Variants in XIRP2 observed in about 807,000 individuals in gnomAD.
The protein encoded by XIRP2 is xin actin binding repeat containing 2.
In XIRP2, 236 loss-of-function variants were observed where a neutral mutation model predicts 277.0. The ratio of observed to expected loss-of-function variants is 0.85; its 90% CI spans 0.77 to 0.95. The LOEUF (loss-of-function observed/expected upper bound fraction) is 0.95, where lower values mean the gene tolerates loss of function less well. Ranked by LOEUF, XIRP2 falls within the 40% of genes least tolerant of loss-of-function variation. The pLI is 0.00. For missense variants in XIRP2, 4,640 were observed against 4,157.5 expected (o/e 1.12, Z -3.19); for synonymous variants, 1,490 against 1,416.5 (o/e 1.05, Z -1.17).
Position 167,258,136 on chromosome 2 carries a change from G to A in XIRP2, c.*319G>A, listed in dbSNP as rs267598990. On this transcript the variant is annotated 3_prime_UTR_variant, in exon 11 of 11. Coordinates refer to ENST00000409195, the MANE Select transcript of XIRP2 (RefSeq NM_152381.6). ...AAAGGAATGATTTGAGAAAATTAGG[G>A]GAAAGGGGAAAATTAAAAGTCATTT... 1 of 1,613,102 alleles carries A rather than the reference G, an allele frequency of 6.2e-7. No homozygotes were observed.
intron 3 of XIRP2, among the ~76,000 whole-genome samples, chr2:167,199,784 T>A (rs1050327136): frequency 6.6e-6 from 1 of 152,166 alleles, no homozygotes; most frequent in African/African-American, 2.4e-5. Flanking sequence ...AGAAAGAAGA[T>A]GACATTCTCG....
chr2:167,015,788 T>A (rs1436739068), intron 2 of XIRP2, among the ~76,000 whole-genome samples: 2 of 151,774 alleles, frequency 1.3e-5, no homozygotes, highest in African/African-American at 4.8e-5. Flanking sequence ...TAAGTAGAGA[T>A]GTTGGTATAA....
chr2:166,913,317 C>CCT (rs1553469499), intron 2 of XIRP2, among the ~76,000 whole-genome samples: 1 of 132,140 alleles, frequency 7.6e-6, no homozygotes, highest in Non-Finnish European at 1.7e-5. Context: ...GGCACCCCCC[C>CCT]CCCCCAGCCT....
chr2:166,978,721 G>A (rs1574131953), intron 2 of XIRP2, among the ~76,000 whole-genome samples: 1 of 152,120 alleles, frequency 6.6e-6, no homozygotes, highest in East Asian at 1.9e-4. Flanking sequence ...GGTGGCTCAC[G>A]CCTGTAATCC....
intron 2 of XIRP2, among the ~76,000 whole-genome samples, chr2:167,049,185 C>CT (rs559489461): frequency 2.1e-3 from 293 of 142,912 alleles, no homozygotes; most frequent in South Asian, 0.011. Flanking sequence ...TTCAAAAAGC[C>CT]TTTTTTTTTT....
chr2:166,925,253 G>A (rs1685150087), intron 2 of XIRP2, among the ~76,000 whole-genome samples: 1 of 151,860 alleles, frequency 6.6e-6, no homozygotes, highest in South Asian at 2.1e-4. Flanking sequence ...AGTTTTCATT[G>A]AGCCATTTAA....
rs6732530 is a variant in XIRP2, at chr2:167,087,230, G to A, written c.409-48679G>A. ...TGAGGTGTCAGTGTACCCCTGCTGG[G>A]GGATGCCTCCCAGTTAGGCTGCTCG... On this transcript the variant is annotated intron_variant, in intron 2 of 10. Transcript: ENST00000409195. Among the ~76,000 whole-genome samples the A allele has an allele frequency of 2.4e-3, 369 of 152,308 alleles. 4 individuals carry two copies. Among genetic ancestry groups the A allele is most frequent in the African/African-American group, 8.4e-3 (350 of 41,574 alleles).
rs116692758 is a variant in XIRP2, at chr2:167,041,966, A to G, written c.409-93943A>G. On this transcript the variant is annotated intron_variant, in intron 2 of 10. Transcript: ENST00000409195. The stretch of plus-strand genomic sequence containing the variant: ...AAGGGGCATGTCACATATAAAGGGA[A>G]CCCTATCAGGCTAACAGTGGAAATT... Among the ~76,000 whole-genome samples, 791 of 152,254 alleles carry G rather than the reference A, an allele frequency of 5.2e-3. 10 individuals carry two copies. The highest frequency in any genetic ancestry group is 0.018 in the African/African-American group (729 of 41,526).
At chr2:166,924,767 C>G (rs1470754772) in intron 2 of XIRP2, among the ~76,000 whole-genome samples, 1 of 152,016 alleles carries the variant, frequency 6.6e-6, no homozygotes, top group Non-Finnish European at 1.5e-5. Context: ...AGCCCTCTTT[C>G]ACCTTAATTG....
Position 167,250,129 on chromosome 2 carries a change from A to G in XIRP2, c.8737A>G (p.Thr2913Ala), listed in dbSNP as rs1256965139. 1.2e-6 allele frequency: 2 copies of G among 1,613,324 alleles called. No individual in the cohort carries two copies. Among genetic ancestry groups the G allele is most frequent in the Admixed American group, 3.3e-5 (2 of 59,896 alleles). The change falls in exon 9 of 11, where the codon ACT (threonine) becomes GCT (alanine). Residue 2913 changes from threonine to alanine, a missense_variant. By Grantham distance (58) the Thr-to-Ala change is moderately conservative. Transcript: ENST00000409195. ...GIQEKQVFSN[T>A]KDSKQEITQN... is the part of the protein sequence containing the mutation. ...ACAAGAGAAACAAGTCTTCTCTAATACTAAAGATTCAAAGCAAGAGATTAC... is the reference window on the plus strand; with the variant it reads ...ACAAGAGAAACAAGTCTTCTCTAATGCTAAAGATTCAAAGCAAGAGATTAC...
chr2:167,041,162 C>T (rs1216260307), intron 2 of XIRP2, among the ~76,000 whole-genome samples: 1 of 152,154 alleles, frequency 6.6e-6, no homozygotes, highest in Non-Finnish European at 1.5e-5. Flanking sequence ...TAAGCCTTGG[C>T]CCCCTGAAAT....
At chr2:167,086,261 G>A (rs1005698650) in intron 2 of XIRP2, among the ~76,000 whole-genome samples, 6 of 152,144 alleles carry the variant, frequency 3.9e-5, no homozygotes, top group South Asian at 2.1e-4. Context: ...AAGAATGTTG[G>A]ATATTGGCCC....
chr2:166,928,188 G>T (rs1421740080), intron 2 of XIRP2, among the ~76,000 whole-genome samples: 1 of 152,092 alleles, frequency 6.6e-6, no homozygotes, highest in Non-Finnish European at 1.5e-5. Flanking sequence ...TTAAAGATAA[G>T]TTGGCTATTC....
intron 2 of XIRP2, among the ~76,000 whole-genome samples, chr2:166,924,684 G>C (rs1456030111): frequency 6.6e-6 from 1 of 151,966 alleles, no homozygotes; most frequent in Non-Finnish European, 1.5e-5. Context: ...TTTATAGGAT[G>C]GCAAATAACA....
intron 3 of XIRP2, among the ~76,000 whole-genome samples, chr2:167,136,902 A>G (rs867178813): frequency 3.3e-5 from 5 of 152,220 alleles, no homozygotes; most frequent in Admixed American, 1.3e-4. Flanking sequence ...ACAGTTTGGG[A>G]AAGCAAATGG....
rs777381031 is a variant in XIRP2, at chr2:167,243,224, G to C, written c.1832G>C (p.Gly611Ala). Reference protein sequence around the residue: ...RGIADQEIIAGGDVKYTTWMF... With the variant: ...RGIADQEIIAAGDVKYTTWMF... The stretch of plus-strand genomic sequence containing the variant: ...ATTGCTGATCAAGAAATCATTGCTG[G>C]TGGTGATGTGAAATATACCACATGG... Residue 611 changes from glycine to alanine, a missense_variant, in exon 9 of 11, where the codon GGT (glycine) becomes GCT (alanine). Coordinates refer to ENST00000409195, the MANE Select transcript of XIRP2 (RefSeq NM_152381.6). 3 of 1,614,090 alleles carry C rather than the reference G, an allele frequency of 1.9e-6. No homozygotes were observed. The South Asian group carries it at 3.3e-5, about 18-fold the overall frequency.
chr2:167,201,238 GAAAGAA>G (rs1693694773), intron 3 of XIRP2, among the ~76,000 whole-genome samples: 1 of 99,128 alleles, frequency 1.0e-5, no homozygotes, highest in African/African-American at 6.7e-5. Flanking sequence ...AAGAAAGAAA[GAAAGAA>G]AGAAAGAAAG....
chr2:167,168,120 G>T (rs777743056), intron 3 of XIRP2, among the ~76,000 whole-genome samples: 2 of 152,120 alleles, frequency 1.3e-5, no homozygotes, highest in Non-Finnish European at 2.9e-5. Context: ...TTCATTAGGT[G>T]AGCTTGTCTG....
chr2:167,249,186 A>C lies in XIRP2; in HGVS notation c.7794A>C (p.Leu2598=), dbSNP rs1187342061. 6.2e-7 allele frequency: 1 copy of C among 1,613,590 alleles called. No homozygotes were observed. The highest frequency in any genetic ancestry group is 1.7e-5 in the Admixed American group (1 of 59,956). Residue 2598 remains leucine (L), a synonymous_variant, in exon 9 of 11, where the codon CTA becomes CTC. Transcript: ENST00000409195. ...PLQKTNEEVS[L]SGIDSECTVV... ...AAAAAACCAATGAGGAGGTTTCCCT[A>C]TCTGGAATTGATTCAGAATGCACTG...
Sources: gnomAD v4.1 joint callset for allele counts (sites outside exome capture counted in the v4.1 genomes callset) on GRCh38, gnomAD v4.1.1 for gene constraint, MANE v1.5 for transcripts, NCBI Gene and HGNC (gene_info 2026-07-23, HGNC 2026-07-21) for gene names.